GPC5: variants seen among roughly 807,000 people sequenced by gnomAD.
The protein encoded by GPC5 is glypican 5.
In GPC5, 47 loss-of-function variants were observed where a neutral mutation model predicts 53.9. That is an observed-to-expected ratio of 0.87 (90% CI 0.69 to 1.11). GPC5 has a LOEUF of 1.11. Ranked by LOEUF, GPC5 falls within the 50% of genes most tolerant of loss-of-function variation. The pLI is 0.00. For synonymous variants in GPC5, 286 were observed against 263.3 expected (o/e 1.09, Z -0.84); for missense variants, 748 against 713.1 (o/e 1.05, Z -0.56).
intron 7 of GPC5, among the ~76,000 whole-genome samples, chr13:92,472,814 T>C (rs2139423705): frequency 6.6e-6 from 1 of 152,238 alleles, no homozygotes; most frequent in Non-Finnish European, 1.5e-5. Context: ...GATTTGCTAA[T>C]GACACACTTA....
intron 6 of GPC5, among the ~76,000 whole-genome samples, chr13:91,933,369 A>AT (rs562097945): frequency 4.6e-4 from 70 of 151,978 alleles, no homozygotes; most frequent in African/African-American, 1.6e-3. Context: ...ATGAATACAT[A>AT]TTTTTTCTCT....
intron 7 of GPC5, among the ~76,000 whole-genome samples, chr13:92,718,582 G>T (rs193058857): frequency 6.6e-6 from 1 of 152,048 alleles, no homozygotes; most frequent in East Asian, 1.9e-4. Flanking sequence ...GTGGAGTCAG[G>T]ATTATGAATA....
intron 6 of GPC5, among the ~76,000 whole-genome samples, chr13:92,013,149 G>A (rs1051085901): frequency 6.6e-6 from 1 of 152,234 alleles, no homozygotes; most frequent in Non-Finnish European, 1.5e-5. Flanking sequence ...AGTGGTGACA[G>A]CCTTTTTTGG....
intron 5 of GPC5, among the ~76,000 whole-genome samples, chr13:91,784,599 C>T (rs1350758646): frequency 6.6e-6 from 1 of 151,988 alleles, no homozygotes; most frequent in Non-Finnish European, 1.5e-5. Context: ...TGGCACATGC[C>T]TGTAATCCCA....
At chr13:92,296,693 C>T (rs1454946654) in intron 7 of GPC5, among the ~76,000 whole-genome samples, 1 of 152,158 alleles carries the variant, frequency 6.6e-6, no homozygotes, top group South Asian at 2.1e-4. Flanking sequence ...ACCGGGGCTG[C>T]GTGCGGCGCT....
At chr13:91,478,822 TACACACACAC>T (rs1194096313) in intron 2 of GPC5, among the ~76,000 whole-genome samples, 7 of 92,144 alleles carry the variant, frequency 7.6e-5, no homozygotes, top group African/African-American at 1.6e-4. Context: ...TATATATATA[TACACACACAC>T]ACATATATAT....
intron 2 of GPC5, among the ~76,000 whole-genome samples, chr13:91,637,419 C>T (rs2034311661): frequency 6.6e-6 from 1 of 152,082 alleles, no homozygotes; most frequent in Admixed American, 6.5e-5. Context: ...AAATGTTTTC[C>T]AGAAAAAGAC....
At chr13:91,534,960 G>A (rs1473360197) in intron 2 of GPC5, among the ~76,000 whole-genome samples, 10 of 152,118 alleles carry the variant, frequency 6.6e-5, no homozygotes, top group Non-Finnish European at 1.2e-4. Flanking sequence ...TAATTATCTA[G>A]TGAAACCCAC....
At chr13:91,789,224 A>C (rs1213983114) in intron 5 of GPC5, among the ~76,000 whole-genome samples, 2 of 152,170 alleles carry the variant, frequency 1.3e-5, no homozygotes, top group East Asian at 3.8e-4. Flanking sequence ...AAAAAGAAAA[A>C]AAAAAAGAAA....
rs189135460 is a variant in GPC5, at chr13:92,176,064, T to C, written c.1561+31075T>C. On this transcript the variant is annotated intron_variant, in intron 7 of 7. Coordinates refer to ENST00000377067, the MANE Select transcript of GPC5 (RefSeq NM_004466.6). ...TACCCATTGCTAGTGTTTGTTTTCCTCTAAGACAGTGGTTCTCAAATTTTA... is the reference window on the plus strand; with the variant it reads ...TACCCATTGCTAGTGTTTGTTTTCCCCTAAGACAGTGGTTCTCAAATTTTA... Among the ~76,000 whole-genome samples, 5 of 152,332 alleles carry C rather than the reference T, an allele frequency of 3.3e-5. No homozygotes were observed. In the East Asian group the frequency reaches 9.7e-4, roughly 29 times the overall value.
intron 7 of GPC5, among the ~76,000 whole-genome samples, chr13:92,159,824 G>C (rs2041973926): frequency 6.6e-6 from 1 of 151,470 alleles, no homozygotes; most frequent in Non-Finnish European, 1.5e-5. Context: ...GGATAGTCTC[G>C]ATCTCCTGAC....
intron 7 of GPC5, among the ~76,000 whole-genome samples, chr13:92,200,284 T>TA (rs2042285166): frequency 1.3e-5 from 2 of 152,218 alleles, no homozygotes; most frequent in African/African-American, 2.4e-5. Flanking sequence ...CTATGAACGC[T>TA]ATTGTGCTCT....
At chr13:92,588,253 A>G (rs1457000945) in intron 7 of GPC5, among the ~76,000 whole-genome samples, 1 of 152,108 alleles carries the variant, frequency 6.6e-6, no homozygotes, top group Non-Finnish European at 1.5e-5. Context: ...AAGGACATGA[A>G]CTCATTCTTT....
chr13:91,783,996 C>T (rs1265224032), intron 5 of GPC5, among the ~76,000 whole-genome samples: 1 of 152,028 alleles, frequency 6.6e-6, no homozygotes, highest in Non-Finnish European at 1.5e-5. Context: ...CCCAGATGGA[C>T]AAGTTGTAGT....
chr13:92,696,335 T>C lies in GPC5; in HGVS notation c.1562-169947T>C, dbSNP rs1013365112. On this transcript the variant is annotated intron_variant, in intron 7 of 7. Coordinates refer to ENST00000377067, the MANE Select transcript of GPC5 (RefSeq NM_004466.6). ...CTAACAGTGTAAAAGCATTCTTATTTCTCCACATCCTCTCCAGCATCTGTT... is the reference window on the plus strand; with the variant it reads ...CTAACAGTGTAAAAGCATTCTTATTCCTCCACATCCTCTCCAGCATCTGTT... Among the ~76,000 whole-genome samples, 18 of 152,316 alleles carry C rather than the reference T, an allele frequency of 1.2e-4. 1 individual carries two copies. Among genetic ancestry groups the C allele is most frequent in the Admixed American group, 5.2e-4 (8 of 15,298 alleles).
chr13:92,399,674 C>T (rs1204010884), intron 7 of GPC5, among the ~76,000 whole-genome samples: 2 of 152,150 alleles, frequency 1.3e-5, no homozygotes, highest in East Asian at 1.9e-4. Flanking sequence ...ATATTGAGCA[C>T]AGCTTCACGA....
At chr13:92,792,888 G>T (rs1308248318) in intron 7 of GPC5, among the ~76,000 whole-genome samples, 1 of 152,092 alleles carries the variant, frequency 6.6e-6, no homozygotes, top group Non-Finnish European at 1.5e-5. Context: ...CATAAAGCAA[G>T]TCCTTAGAGA....
intron 6 of GPC5, among the ~76,000 whole-genome samples, chr13:91,992,805 G>A (rs2040469054): frequency 6.6e-6 from 1 of 152,054 alleles, no homozygotes; most frequent in South Asian, 2.1e-4. Flanking sequence ...TATATATAAA[G>A]CTCAATAAAC....
intron 7 of GPC5, among the ~76,000 whole-genome samples, chr13:92,154,813 A>G (rs993453940): frequency 6.6e-6 from 1 of 152,340 alleles, no homozygotes; most frequent in South Asian, 2.1e-4. Context: ...CATGACTGCA[A>G]TCTGAGCACT....
Sources: gnomAD v4.1 joint callset for allele counts (sites outside exome capture counted in the v4.1 genomes callset) on GRCh38, gnomAD v4.1.1 for gene constraint, MANE v1.5 for transcripts, NCBI Gene and HGNC (gene_info 2026-07-23, HGNC 2026-07-21) for gene names.